SIPA1L2: variants seen among roughly 807,000 people sequenced by gnomAD.
The protein encoded by SIPA1L2 is signal-induced proliferation-associated 1-like protein 2.
Under a neutral mutation model 163.9 loss-of-function variants are expected in SIPA1L2, and 56 were observed. The observed-to-expected ratio is 0.34, with a 90% CI of 0.28 to 0.43. The LOEUF is 0.43. Among genes scored for constraint, SIPA1L2 ranks in the 20% least tolerant of loss-of-function variants. The probability of loss-of-function intolerance (pLI) is 1.00; values close to 1 mark genes in which losing one functional copy is unlikely to be tolerated. For synonymous variants in SIPA1L2, 877 were observed against 865.7 expected (o/e 1.01, Z -0.23); for missense variants, 1,974 against 2,193.5 (o/e 0.90, Z 2.00).
intron 1 of SIPA1L2, among the ~76,000 whole-genome samples, chr1:232,598,232 TCTG>T (rs749068689): frequency 6.6e-5 from 9 of 135,484 alleles, no homozygotes; most frequent in Admixed American, 4.5e-4. Flanking sequence ...TGAAACCCTG[TCTG>T]TTAAAAAAAA....
chr1:232,497,765 A>G (rs1333636907), intron 3 of SIPA1L2, among the ~76,000 whole-genome samples: 1 of 152,104 alleles, frequency 6.6e-6, no homozygotes, highest in Non-Finnish European at 1.5e-5. Context: ...TCCTTACAGC[A>G]TGAGTGTTTC....
intron 18 of SIPA1L2, among the ~76,000 whole-genome samples, chr1:232,418,371 TC>T (rs1445450369): frequency 5.9e-5 from 9 of 152,192 alleles, no homozygotes; most frequent in Non-Finnish European, 1.2e-4. Context: ...TCCCCAGTAC[TC>T]AATAGAGTGG....
chr1:232,547,713 C>A (rs1658125461), intron 2 of SIPA1L2, among the ~76,000 whole-genome samples: 1 of 152,142 alleles, frequency 6.6e-6, no homozygotes, highest in Non-Finnish European at 1.5e-5. Flanking sequence ...TTTCGGAGGC[C>A]TCTACAGTGT....
At chr1:232,432,166 C>A (rs1662280405) in intron 16 of SIPA1L2, 81 bp downstream of exon 16, 8 of 1,137,916 alleles carry the variant, frequency 7.0e-6, no homozygotes. Context: ...AAATACATTT[C>A]CTTTGGGAGG....
intron 10 of SIPA1L2, among the ~76,000 whole-genome samples, chr1:232,451,150 T>C (rs925300747): frequency 2.6e-5 from 4 of 152,220 alleles, no homozygotes; most frequent in Non-Finnish European, 4.4e-5. Flanking sequence ...ACTACTGATA[T>C]AAGCGATCAT....
chr1:232,471,285 T>C, intron 8 of SIPA1L2, 86 bp downstream of exon 8: 1 of 1,403,374 alleles, frequency 7.1e-7, no homozygotes, highest in African/African-American at 1.5e-5. Context: ...TTGCAAATAA[T>C]AATTGGCAAA....
rs1558270699 is a variant in SIPA1L2 at position 232,563,955 on chromosome 1, T to TGTGTGTG, written c.-270+10218_-270+10219insCACACAC. 6.2e-4 allele frequency among the ~76,000 whole-genome samples: 72 copies of TGTGTGTG among 116,770 alleles called. 1 individual carries two copies. Among genetic ancestry groups the TGTGTGTG allele is most frequent in the African/African-American group, 2.6e-3 (65 of 25,172 alleles). 76.6% of individuals were successfully genotyped at this position (116,770 alleles called of 152,430 possible). A position where few individuals can be genotyped will look rare whatever the true frequency, so the allele number is the denominator to read the frequency against. ...AACGACAAAGGTTTGTTTTTTTTTT[T>TGTGTGTG]CGTGTGTGTGTGTGTGTGTGTGTGT... On this transcript the variant is annotated intron_variant, in intron 2 of 22. Transcript: ENST00000674635.
chr1:232,430,088 T>C (rs937313492), intron 16 of SIPA1L2, among the ~76,000 whole-genome samples: 1 of 152,240 alleles, frequency 6.6e-6, no homozygotes, highest in Admixed American at 6.5e-5. Flanking sequence ...ACTCTGTGCC[T>C]GCCACCGTGA....
chr1:232,504,231 C>A (rs544149713), intron 3 of SIPA1L2, among the ~76,000 whole-genome samples: 35 of 151,356 alleles, frequency 2.3e-4, no homozygotes, highest in Non-Finnish European at 2.2e-4. Flanking sequence ...ACAACAACAA[C>A]AAAAAACCAC....
rs2102812951 is a variant in SIPA1L2 at position 232,425,620 on chromosome 1, G to A, written c.4599C>T (p.Ala1533=). ...GGCTCCCCATGCTGGGTGCGGGGTG[G>A]GCCCGCGGAGGCAGCGTGCTGTGGT... ...PPYHSTLPPR[A]HPAPSMGSLR... The change falls in exon 18 of 23, where the codon GCC becomes GCT. Residue 1533 remains alanine, a synonymous_variant. Transcript: ENST00000674635. The A allele has an allele frequency of 6.2e-7, 1 of 1,607,368 alleles. No individual in the cohort carries two copies. Among genetic ancestry groups the A allele is most frequent in the East Asian group, 2.2e-5 (1 of 44,760 alleles).
At chr1:232,530,222 C>T (rs561005279) in intron 2 of SIPA1L2, among the ~76,000 whole-genome samples, 839 of 22,972 alleles carry the variant, frequency 0.037, 1 homozygote, top group Middle Eastern at 0.14. Flanking sequence ...TCAAGCGATT[C>T]CCCCGCCCAG....
chr1:232,490,913 G>C lies in SIPA1L2; in HGVS notation c.1767C>G (p.Pro589=), dbSNP rs200619264. Residue 589 remains proline (P), a synonymous_variant, in exon 5 of 23, where the codon CCC becomes CCG. Transcript: ENST00000674635. Reference sequence around the variant, plus strand: ...GCTTGAGCAGCTGCTCTGAGACCTTGGGTGAGTTGGAAGCCTGTCGCAAAC... The same window carrying C: ...GCTTGAGCAGCTGCTCTGAGACCTTCGGTGAGTTGGAAGCCTGTCGCAAAC... ...IQCLRQASNS[P]KVSEQLLKLD... 2.8e-4 allele frequency: 457 copies of C among 1,613,926 alleles called. No individual in the cohort carries two copies. The highest frequency in any genetic ancestry group is 3.6e-4 in the Non-Finnish European group (420 of 1,180,000).
chr1:232,474,589 T>C (rs765769718), intron 7 of SIPA1L2, among the ~76,000 whole-genome samples: 3 of 152,230 alleles, frequency 2.0e-5, no homozygotes, highest in Non-Finnish European at 4.4e-5. Context: ...ATTTATTGTG[T>C]ATTTCAAAGC....
At chr1:232,528,033 C>T (rs886938689) in intron 2 of SIPA1L2, among the ~76,000 whole-genome samples, 13 of 146,116 alleles carry the variant, frequency 8.9e-5, no homozygotes, top group Non-Finnish European at 1.3e-4. Flanking sequence ...ACAAACAGAA[C>T]ACCCAACAGT....
At chr1:232,565,073 T>C (rs1199667582) in intron 2 of SIPA1L2, among the ~76,000 whole-genome samples, 3 of 152,206 alleles carry the variant, frequency 2.0e-5, no homozygotes, top group Non-Finnish European at 4.4e-5. Context: ...AATAAATTGA[T>C]AATGAGTAAG....
intron 17 of SIPA1L2, among the ~76,000 whole-genome samples, chr1:232,427,447 T>C (rs999162245): frequency 1.3e-5 from 2 of 152,218 alleles, no homozygotes; most frequent in African/African-American, 2.4e-5. Context: ...TCATGGTCAG[T>C]ATGGCAATAC....
At chr1:232,424,180 A>G (rs1226352745) in intron 18 of SIPA1L2, among the ~76,000 whole-genome samples, 1 of 152,026 alleles carries the variant, frequency 6.6e-6, no homozygotes, top group African/African-American at 2.4e-5. Context: ...ATTATAACAC[A>G]TGTACCACTG....
rs1661554775 is a variant in SIPA1L2, at chr1:232,421,207, A to G, written c.4630+4382T>C. Among the ~76,000 whole-genome samples, 6 of 152,270 alleles carry G rather than the reference A, an allele frequency of 3.9e-5. No homozygotes were observed. In the South Asian group the frequency reaches 1.2e-3, roughly 32 times the overall value. On this transcript the variant is annotated intron_variant, in intron 18 of 22. Transcript: ENST00000674635. ...ACACTTCTCCGTGCTCACAATTCTTACTGCCCATGTTGCATACGGACCTAA... is the reference window on the plus strand; with the variant it reads ...ACACTTCTCCGTGCTCACAATTCTTGCTGCCCATGTTGCATACGGACCTAA...
At chr1:232,580,357 T>C (rs923430749) in intron 1 of SIPA1L2, among the ~76,000 whole-genome samples, 1 of 152,160 alleles carries the variant, frequency 6.6e-6, no homozygotes, top group African/African-American at 2.4e-5. Flanking sequence ...TCAACCTGTT[T>C]TATCAGCACG....
Sources: gnomAD v4.1 joint callset for allele counts (sites outside exome capture counted in the v4.1 genomes callset) on GRCh38, gnomAD v4.1.1 for gene constraint, MANE v1.5 for transcripts, NCBI Gene and HGNC (gene_info 2026-07-23, HGNC 2026-07-21) for gene names.